Variants in ZBTB44 observed in about 807,000 individuals in gnomAD.
The protein encoded by ZBTB44 is zinc finger and BTB domain-containing protein 44.
In ZBTB44, 15 loss-of-function variants were observed where a neutral mutation model predicts 54.0. The ratio of observed to expected loss-of-function variants is 0.28; its 90% CI spans 0.19 to 0.43. ZBTB44 has a LOEUF of 0.43. ZBTB44 is among the 20% of genes least tolerant of loss of function. The pLI is 1.00. For missense variants in ZBTB44, 487 were observed against 707.1 expected, an observed-to-expected ratio of 0.69 and a Z score of 3.53; for synonymous variants, 230 against 250.1, an observed-to-expected ratio of 0.92 and a Z score of 0.76.
intron 4 of ZBTB44, among the ~76,000 whole-genome samples, chr11:130,237,518 G>T (rs1954157496): frequency 6.6e-6 from 1 of 152,162 alleles, no homozygotes; most frequent in Non-Finnish European, 1.5e-5. Context: ...ATCTCACAGA[G>T]AAACGAGAAG....
chr11:130,239,546 A>G (rs1322059174), intron 3 of ZBTB44: 1 of 279,746 alleles, frequency 3.6e-6, no homozygotes, highest in Non-Finnish European at 6.9e-6. Context: ...GGTAGGCTGG[A>G]ATTGGCCTGT....
At chr11:130,283,323 G>C (rs1020004433) in intron 1 of ZBTB44, among the ~76,000 whole-genome samples, 1 of 152,010 alleles carries the variant, frequency 6.6e-6, no homozygotes, top group Non-Finnish European at 1.5e-5. Flanking sequence ...TGGGATTACA[G>C]GCATGAGCCA....
At chr11:130,265,426 T>C (rs967811371) in intron 1 of ZBTB44, among the ~76,000 whole-genome samples, 2 of 152,130 alleles carry the variant, frequency 1.3e-5, no homozygotes, top group Non-Finnish European at 2.9e-5. Flanking sequence ...GGTTTCACCA[T>C]GTTGGCCAGC....
chr11:130,234,332 C>T (rs1591918706), intron 5 of ZBTB44, 59 bp from the exon 6 acceptor site: 4 of 1,445,578 alleles, frequency 2.8e-6, no homozygotes, highest in Non-Finnish European at 1.8e-6. Flanking sequence ...AATAGATAAG[C>T]AACAGTAAAA....
intron 1 of ZBTB44, chr11:130,296,065 G>A: frequency 6.3e-7 from 1 of 1,584,078 alleles, no homozygotes; most frequent in Admixed American, 1.7e-5. Context: ...TCGTATCTTG[G>A]ATGTTGGGTA....
intron 2 of ZBTB44, among the ~76,000 whole-genome samples, chr11:130,245,624 T>G (rs999106743): frequency 4.7e-5 from 7 of 150,224 alleles, no homozygotes; most frequent in African/African-American, 1.2e-4. Context: ...CAGCTTGTGA[T>G]AAGGGTAGGC....
intron 2 of ZBTB44, among the ~76,000 whole-genome samples, chr11:130,243,399 T>A (rs1326192440): frequency 6.6e-6 from 1 of 152,244 alleles, no homozygotes; most frequent in East Asian, 1.9e-4. Flanking sequence ...TTCTGCTAGG[T>A]TCCTGGGCAG....
intron 1 of ZBTB44, among the ~76,000 whole-genome samples, chr11:130,283,210 A>AT (rs1157106650): frequency 2.0e-5 from 3 of 151,548 alleles, no homozygotes; most frequent in Non-Finnish European, 4.4e-5. Flanking sequence ...CACCTGGCTA[A>AT]TTTTTTTGTA....
At chr11:130,283,261 G>A (rs2134288014) in intron 1 of ZBTB44, among the ~76,000 whole-genome samples, 1 of 151,866 alleles carries the variant, frequency 6.6e-6, no homozygotes, top group Admixed American at 6.6e-5. Context: ...GGCTAGGCTG[G>A]TCTCAAACTT....
chr11:130,258,402 C>A (rs967849494), intron 2 of ZBTB44, among the ~76,000 whole-genome samples: 3 of 152,148 alleles, frequency 2.0e-5, no homozygotes, highest in African/African-American at 7.2e-5. Context: ...AAGTGCACTG[C>A]AATTGGTCTC....
intron 1 of ZBTB44, 103 bp downstream of exon 1, chr11:130,314,272 C>A (rs1942810770): frequency 6.6e-6 from 1 of 152,454 alleles, no homozygotes; most frequent in African/African-American, 2.4e-5. Context: ...ACCCGGCTCT[C>A]CGCTCCCTTC....
At chr11:130,241,177 A>G (rs1026404974) in intron 2 of ZBTB44, among the ~76,000 whole-genome samples, 1 of 152,206 alleles carries the variant, frequency 6.6e-6, no homozygotes, top group African/African-American at 2.4e-5. Context: ...TAATGCACAT[A>G]AGCATGCTTT....
intron 1 of ZBTB44, among the ~76,000 whole-genome samples, chr11:130,300,541 A>G (rs938722006): frequency 2.6e-5 from 4 of 152,228 alleles, no homozygotes; most frequent in Non-Finnish European, 5.9e-5. Flanking sequence ...GAAAAAAAAG[A>G]GGAAAAAAGT....
At chr11:130,282,995 G>A (rs1381110604) in intron 1 of ZBTB44, among the ~76,000 whole-genome samples, 2 of 140,016 alleles carry the variant, frequency 1.4e-5, no homozygotes, top group Non-Finnish European at 3.1e-5. Flanking sequence ...TTTTTTAATT[G>A]TGGTTAAAAA....
intron 6 of ZBTB44, 32 bp downstream of exon 6, chr11:130,234,124 A>G (rs968393741): frequency 9.1e-6 from 14 of 1,544,088 alleles, no homozygotes; most frequent in Non-Finnish European, 1.2e-5. Flanking sequence ...CCCCAAGGGA[A>G]AAGTGCTTTC....
intron 5 of ZBTB44, 119 bp from the exon 6 acceptor site, chr11:130,234,392 C>G (rs1437670064): frequency 1.8e-6 from 2 of 1,106,014 alleles, no homozygotes; most frequent in Non-Finnish European, 1.2e-6. Context: ...ACTAATTGTT[C>G]AGTGAAGATT....
intron 2 of ZBTB44, among the ~76,000 whole-genome samples, chr11:130,259,253 T>C (rs1938672687): frequency 6.6e-6 from 1 of 152,220 alleles, no homozygotes; most frequent in African/African-American, 2.4e-5. Context: ...TTTAATGAGA[T>C]ACCATCTCAC....
intron 1 of ZBTB44, among the ~76,000 whole-genome samples, chr11:130,313,830 A>G (rs1172508249): frequency 2.0e-5 from 3 of 152,012 alleles, no homozygotes; most frequent in African/African-American, 7.2e-5. Flanking sequence ...TCATTTCTCG[A>G]GGTAACCCCT....
chr11:130,313,250 A>G (rs183476517), intron 1 of ZBTB44, among the ~76,000 whole-genome samples: 1 of 152,246 alleles, frequency 6.6e-6, no homozygotes, highest in Non-Finnish European at 1.5e-5. Context: ...CTTCTATAAA[A>G]TTCAAGTAAT....
Sources: allele counts gnomAD v4.1 joint callset (sites outside exome capture counted in the v4.1 genomes callset), GRCh38; gene constraint gnomAD v4.1.1; transcripts MANE v1.5; gene names NCBI Gene and HGNC (gene_info 2026-07-23, HGNC 2026-07-21).